RIMBP2: variants seen among roughly 807,000 people sequenced by gnomAD.
RIMBP2 encodes the protein RIMS binding protein 2, also known as RIMS-binding protein 2.
RIMBP2 carries 48 observed loss-of-function variants against 118.6 expected under a neutral mutation model. The ratio of observed to expected loss-of-function variants is 0.40; its 90% CI spans 0.32 to 0.51. RIMBP2 has a LOEUF of 0.51. Among genes scored for constraint, RIMBP2 ranks in the 20% least tolerant of loss-of-function variants. RIMBP2 has a pLI of 0.41. For missense variants in RIMBP2, 1,551 were observed against 1,768.3 expected, an observed-to-expected ratio of 0.88 and a Z score of 2.20; for synonymous variants, 762 against 742.9, an observed-to-expected ratio of 1.03 and a Z score of -0.42.
intron 1 of RIMBP2, among the ~76,000 whole-genome samples, chr12:130,690,937 C>T (rs1206529464): frequency 6.6e-6 from 1 of 152,132 alleles, no homozygotes; most frequent in East Asian, 1.9e-4. Flanking sequence ...TGGTGAGGGA[C>T]GTCTTCCTCT....
chr12:130,448,503 T>C (rs1232360540), intron 9 of RIMBP2, among the ~76,000 whole-genome samples: 1 of 152,224 alleles, frequency 6.6e-6, no homozygotes, highest in Non-Finnish European at 1.5e-5. Context: ...TGTGCCAGGC[T>C]CAGAGGACAC....
At chr12:130,515,602 T>A (rs932433610) in intron 3 of RIMBP2, among the ~76,000 whole-genome samples, 60 of 152,242 alleles carry the variant, frequency 3.9e-4, no homozygotes, top group African/African-American at 1.2e-3. Flanking sequence ...CACATGTTGT[T>A]TATTCACTCG....
At chr12:130,602,829 T>C (rs1218026727) in intron 2 of RIMBP2, among the ~76,000 whole-genome samples, 1 of 152,210 alleles carries the variant, frequency 6.6e-6, no homozygotes, top group Non-Finnish European at 1.5e-5. Flanking sequence ...AGAAGTGTTA[T>C]TTTGGCAGCT....
At chr12:130,572,690 C>G (rs997644289) in intron 2 of RIMBP2, among the ~76,000 whole-genome samples, 6 of 151,444 alleles carry the variant, frequency 4.0e-5, no homozygotes, top group African/African-American at 1.5e-4. Flanking sequence ...TATGCTCATT[C>G]GAGTTAATTA....
intron 6 of RIMBP2, among the ~76,000 whole-genome samples, chr12:130,460,823 G>C (rs2079914712): frequency 6.6e-6 from 1 of 152,158 alleles, no homozygotes. Context: ...GGGAGCAGGA[G>C]GCCCACGGGC....
chr12:130,461,256 C>T (rs1002216416), intron 6 of RIMBP2, among the ~76,000 whole-genome samples: 2 of 152,176 alleles, frequency 1.3e-5, no homozygotes, highest in Admixed American at 1.3e-4. Context: ...CTCCTTACAC[C>T]TCGGGGGGTC....
chr12:130,557,929 G>T (rs893014457), intron 2 of RIMBP2, among the ~76,000 whole-genome samples: 1 of 152,038 alleles, frequency 6.6e-6, no homozygotes, highest in Non-Finnish European at 1.5e-5. Context: ...CTTACTCCTG[G>T]CTCCTGCGAC....
At position 130,424,960 on chromosome 12, in the gene RIMBP2, G is replaced by A; in HGVS notation, c.2413-102C>T. 1 of 621,602 alleles carries A rather than the reference G, an allele frequency of 1.6e-6. No homozygotes were observed. The highest frequency in any genetic ancestry group is 3.5e-5 in the East Asian group (1 of 28,908). The allele number at this position is 621,602 out of a possible 1,614,324, so 38.5% of individuals were successfully genotyped here. Reference sequence around the variant, plus strand: ...GAAAATACAGACAGAATTAGTCCTGGAGGCACCGAGGGGGGGGAAGCATGC... The same window carrying A: ...GAAAATACAGACAGAATTAGTCCTGAAGGCACCGAGGGGGGGGAAGCATGC... On this transcript the variant is annotated intron_variant, in intron 15 of 22. Transcript: ENST00000690449. The surrounding 1 kb of genome is among the most constrained non-coding windows in gnomAD (Gnocchi z 9.8).
In RIMBP2 at chr12:130,424,641, T is replaced by C; in HGVS notation, c.2630A>G (p.Glu877Gly). 8.1e-7 allele frequency: 1 copy of C among 1,231,692 alleles called. No homozygotes were observed. The highest frequency in any genetic ancestry group is 3.2e-5 in the East Asian group (1 of 31,646). 76.3% of individuals were successfully genotyped at this position (1,231,692 alleles called of 1,614,324 possible). ...PRPGRPYRGD[E>G]APRGSWFPVK... ...CGGGAACCAGGAGCCCCGAGGGGCC[T>C]CGTCGCCCCTGTAGGGCCTGCCGGG... Residue 877 changes from glutamate (E) to glycine (G), a missense_variant, in exon 16 of 23, where the codon GAG becomes GGG. Glu to Gly is a moderately conservative substitution (Grantham distance 98). Coordinates refer to ENST00000690449, the MANE Select transcript of RIMBP2 (RefSeq NM_001393629.1). This position sits in a 1 kb window ranked among gnomAD's most constrained non-coding sequence, Gnocchi z 9.8.
intron 1 of RIMBP2, among the ~76,000 whole-genome samples, chr12:130,693,760 A>T (rs150983216): frequency 6.6e-6 from 1 of 152,224 alleles, no homozygotes; most frequent in Non-Finnish European, 1.5e-5. Flanking sequence ...AGCAGAAGTC[A>T]CTGAAAGGCG....
chr12:130,641,504 C>T (rs1393916415), intron 1 of RIMBP2, among the ~76,000 whole-genome samples: 3 of 150,876 alleles, frequency 2.0e-5, no homozygotes, highest in Non-Finnish European at 4.4e-5. Context: ...GACACTCGGC[C>T]CGGCATCACG....
intron 2 of RIMBP2, among the ~76,000 whole-genome samples, chr12:130,558,792 C>A (rs2056581003): frequency 6.6e-6 from 1 of 152,174 alleles, no homozygotes. Context: ...GAGGAGCTTG[C>A]AATTCTGTGT....
intron 5 of RIMBP2, among the ~76,000 whole-genome samples, chr12:130,478,556 G>T (rs554401122): frequency 1.3e-5 from 2 of 152,266 alleles, no homozygotes; most frequent in South Asian, 4.2e-4. Flanking sequence ...GGGTGGCAGG[G>T]TCACCTTCTG....
intron 5 of RIMBP2, among the ~76,000 whole-genome samples, chr12:130,474,877 C>G (rs1254060634): frequency 6.6e-6 from 1 of 152,090 alleles, no homozygotes; most frequent in Admixed American, 6.5e-5. Flanking sequence ...ACAGCCTGTT[C>G]TCACACCGTC....
chr12:130,622,990 G>A lies in RIMBP2; in HGVS notation c.-217+5332C>T, dbSNP rs2061413926. The stretch of plus-strand genomic sequence containing the variant: ...ACAGATGGCGTGGACTGAGGTCTGG[G>A]GATACTGTTGGGGCCATTTCCTTCT... On this transcript the variant is annotated intron_variant, in intron 2 of 22. Transcript: ENST00000690449. This position sits in a 1 kb window ranked among gnomAD's most constrained non-coding sequence, Gnocchi z 8.5. Among the ~76,000 whole-genome samples the A allele has an allele frequency of 6.6e-6, 1 of 152,160 alleles. No homozygotes were observed. Among genetic ancestry groups the A allele is most frequent in the Admixed American group, 6.5e-5 (1 of 15,284 alleles).
rs1220598321 is a variant in RIMBP2 at position 130,621,231 on chromosome 12, G to A, written c.-217+7091C>T. 1.3e-5 allele frequency among the ~76,000 whole-genome samples: 2 copies of A among 152,146 alleles called. No individual in the cohort carries two copies. Among genetic ancestry groups the A allele is most frequent in the Non-Finnish European group, 2.9e-5 (2 of 68,024 alleles). ...GTGAGGGTTAGGGTGATGGACTCCA[G>A]GTGGATCCTCCCCATGAGAGAAAAG... On this transcript the variant is annotated intron_variant, in intron 2 of 22. Transcript: ENST00000690449. The surrounding 1 kb of genome is among the most constrained non-coding windows in gnomAD (Gnocchi z 6.6).
intron 2 of RIMBP2, among the ~76,000 whole-genome samples, chr12:130,519,598 A>T (rs562725027): frequency 1.3e-5 from 2 of 152,332 alleles, no homozygotes; most frequent in South Asian, 4.1e-4. Flanking sequence ...CATGTCCCAC[A>T]TGGGGGAATC....
At chr12:130,535,782 T>TATATATAC (rs1491537590) in intron 2 of RIMBP2, among the ~76,000 whole-genome samples, 2 of 129,960 alleles carry the variant, frequency 1.5e-5, no homozygotes, top group African/African-American at 5.6e-5. Context: ...TATATATATA[T>TATATATAC]ACACATATTT....
At chr12:130,412,509 T>C in intron 19 of RIMBP2, 110 bp downstream of exon 19, 1 of 1,009,630 alleles carries the variant, frequency 9.9e-7, no homozygotes. Context: ...GACTTTGGCA[T>C]ATTTAAATGA....
Sources: gnomAD v4.1 joint callset for allele counts (sites outside exome capture counted in the v4.1 genomes callset) on GRCh38, gnomAD v4.1.1 for gene constraint, Gnocchi (gnomAD v3.1) non-coding constraint, MANE v1.5 for transcripts, NCBI Gene and HGNC (gene_info 2026-07-23, HGNC 2026-07-21) for gene names.